The following NBPF12 variants were observed in gnomAD, a reference collection of about 807,000 sequenced individuals.
NBPF12 encodes the protein NBPF family member NBPF12.
Under a neutral mutation model 146.4 loss-of-function variants are expected in NBPF12, and 115 were observed. The observed-to-expected ratio is 0.79, with a 90% CI of 0.68 to 0.92. The LOEUF is 0.92. Ranked by LOEUF, NBPF12 falls within the 40% of genes least tolerant of loss-of-function variation. The probability of loss-of-function intolerance (pLI) is 0.00; values close to 1 mark genes in which losing one functional copy is unlikely to be tolerated. For missense variants in NBPF12, 1,205 were observed against 1,326.8 expected (o/e 0.91, Z 1.43); for synonymous variants, 385 against 508.9 (o/e 0.76, Z 3.28).
chr1:146,969,524 G>C, exon 11 of NBPF12: 1 of 1,326,502 alleles, frequency 7.5e-7, no homozygotes, highest in Non-Finnish European at 1.1e-6. Flanking sequence ...CAAGTCCCAG[G>C]GGCAGGACCT....
At chr1:146,994,669 C>G (rs1421373600) in exon 34 of NBPF12, 16 of 1,564,376 alleles carry the variant, frequency 1.0e-5, no homozygotes, top group Middle Eastern at 2.4e-4. Flanking sequence ...TTTGGAAGCC[C>G]AGACATAGGA....
chr1:146,941,883 G>A (rs1219800176), intron 1 of NBPF12, among the ~76,000 whole-genome samples: 1 of 149,020 alleles, frequency 6.7e-6, no homozygotes, highest in Non-Finnish European at 1.5e-5. Flanking sequence ...TTTTCAGACA[G>A]GGTCTTACTC....
At position 146,969,232 on chromosome 1, in the gene NBPF12, T is replaced by C. The variant is rs1656419270; in HGVS notation, c.1092-150T>C. On this transcript the variant is annotated intron_variant, in intron 10 of 33. Transcript: ENST00000617844. Reference sequence around the variant, plus strand: ...AGCCTGTAAACCATTTTCTCTTCTTTCTCTTGGCCACAGTCATTCCTTTCA... The same window carrying C: ...AGCCTGTAAACCATTTTCTCTTCTTCCTCTTGGCCACAGTCATTCCTTTCA... 3.6e-5 allele frequency: 39 copies of C among 1,071,558 alleles called. No homozygotes were observed. The South Asian group carries it at 4.0e-4, about 11-fold the overall frequency. 66.4% of individuals were successfully genotyped at this position (1,071,558 alleles called of 1,614,324 possible). A position where few individuals can be genotyped will look rare whatever the true frequency, so the allele number is the denominator to read the frequency against.
At chr1:146,985,814 C>A in intron 23 of NBPF12, 58 bp downstream of exon 26, 2 of 718,356 alleles carry the variant, frequency 2.8e-6, no homozygotes, top group Non-Finnish European at 4.8e-6. Context: ...GATGCCAGGT[C>A]CAGGGAAAAG....
exon 11 of NBPF12, chr1:146,969,535 C>T (rs1182261458): frequency 2.7e-6 from 4 of 1,466,812 alleles, no homozygotes; most frequent in Non-Finnish European, 3.8e-6. Context: ...GGCAGGACCT[C>T]CAAGAACAGC....
chr1:146,964,457 A>T, intron 7 of NBPF12, 28 bp downstream of exon 10: 1 of 1,595,952 alleles, frequency 6.3e-7, no homozygotes, highest in South Asian at 1.1e-5. Context: ...GGAGCAAGTA[A>T]TGGGTGGTAA....
At chr1:146,964,824 TA>T in intron 7 of NBPF12, 68 bp from the exon 11 acceptor site, 1 of 1,596,908 alleles carries the variant, frequency 6.3e-7, no homozygotes, top group Non-Finnish European at 8.6e-7. Context: ...CAAAACCAGC[TA>T]GGACTCCCTG....
intron 1 of NBPF12, among the ~76,000 whole-genome samples, chr1:146,942,121 G>A (rs1357519999): frequency 6.6e-6 from 1 of 150,818 alleles, no homozygotes; most frequent in East Asian, 2.0e-4. Flanking sequence ...GCCTCCCAAA[G>A]TGCTGGGATT....
Position 146,974,725 on chromosome 1 carries a change from C to T in NBPF12, c.1802-14C>T. 1.2e-6 allele frequency: 1 copy of T among 825,100 alleles called. No homozygotes were observed. Among genetic ancestry groups the T allele is most frequent in the South Asian group, 1.6e-5 (1 of 63,128 alleles). 51.1% of individuals were successfully genotyped at this position (825,100 alleles called of 1,614,324 possible). Reference sequence around the variant, plus strand: ...CAGCCTTCCACTGATGCAGGCGTGTCTGTCTTTTCTCAGAATATGAAGAGT... The same window carrying T: ...CAGCCTTCCACTGATGCAGGCGTGTTTGTCTTTTCTCAGAATATGAAGAGT... On this transcript the variant is annotated splice_polypyrimidine_tract_variant and intron_variant, in intron 14 of 33. Transcript: ENST00000617844.
rs1195588193 is a variant in NBPF12, at chr1:146,984,577, CTGTGTGTG to C, written c.2667-196_2667-189del. Among the ~76,000 whole-genome samples, 1,090 of 132,776 alleles carry C rather than the reference CTGTGTGTG, an allele frequency of 8.2e-3. 17 individuals are homozygous for C. The highest frequency in any genetic ancestry group is 0.021 in the Middle Eastern group (6 of 286). 87.1% of individuals were successfully genotyped at this position (132,776 alleles called of 152,430 possible). A position where few individuals can be genotyped will look rare whatever the true frequency, so the allele number is the denominator to read the frequency against. On this transcript the variant is annotated intron_variant, in intron 21 of 33. Coordinates refer to ENST00000617844, the Ensembl canonical transcript of NBPF12. Reference sequence around the variant, plus strand: ...ACCCGGCCAATTGACTGAGCTCACACTGTGTGTGTGTGTGTGTGTGTGTGTGTGTGTGT... The same window carrying C: ...ACCCGGCCAATTGACTGAGCTCACACTGTGTGTGTGTGTGTGTGTGTGTGT...
At chr1:146,984,656 A>G (rs1553888396) in intron 21 of NBPF12, among the ~76,000 whole-genome samples, 157 bp from the exon 25 acceptor site, 1,821 of 136,836 alleles carry the variant, frequency 0.013, 64 homozygotes, top group African/African-American at 0.054. Flanking sequence ...ACCTGGCCCT[A>G]GTCTATCACA....
upstream of NBPF12, among the ~76,000 whole-genome samples, chr1:146,944,645 A>T (rs1165179679): frequency 6.6e-6 from 1 of 151,842 alleles, no homozygotes; most frequent in Non-Finnish European, 1.5e-5. Context: ...AGGAGGAAGA[A>T]GGGGTTGTAC....
upstream of NBPF12, among the ~76,000 whole-genome samples, chr1:146,945,184 A>G (rs1654996565): frequency 2.2e-5 from 3 of 139,054 alleles, no homozygotes; most frequent in Admixed American, 1.5e-4. Flanking sequence ...TTTTTGTTCT[A>G]CTATTTTAAA....
intron 4 of NBPF12, among the ~76,000 whole-genome samples, chr1:146,961,919 G>T (rs1364460526): frequency 1.3e-5 from 2 of 152,102 alleles, no homozygotes; most frequent in African/African-American, 4.8e-5. Context: ...CGTGGTGGTT[G>T]AATCATCTTG....
chr1:146,994,336 A>T, exon 34 of NBPF12: 2 of 1,611,644 alleles, frequency 1.2e-6, no homozygotes, highest in Non-Finnish European at 1.7e-6. Context: ...TTCCAGGCTC[A>T]ACAGCGTGCT....
intron 19 of NBPF12, among the ~76,000 whole-genome samples, chr1:146,981,314 T>TAC (rs1553887979): frequency 0.04 from 5,107 of 127,438 alleles, 152 homozygotes; most frequent in South Asian, 0.063. Flanking sequence ...TATATATATA[T>TAC]ACATACACAC....
At chr1:146,943,891 T>C (rs1654909295) in intron 2 of NBPF12, among the ~76,000 whole-genome samples, 1 of 145,258 alleles carries the variant, frequency 6.9e-6, no homozygotes, top group African/African-American at 2.6e-5. Context: ...TTTCTGTCTC[T>C]GTTTCCACCC....
At chr1:146,945,969 CT>C (rs1263518183), upstream of NBPF12, among the ~76,000 whole-genome samples, 2 of 151,702 alleles carry the variant, frequency 1.3e-5, no homozygotes, top group Admixed American at 6.6e-5. Context: ...TCCTCCACCC[CT>C]GACAACCACT....
At chr1:146,980,250 G>T (rs1323802650) in intron 19 of NBPF12, among the ~76,000 whole-genome samples, 2 of 151,950 alleles carry the variant, frequency 1.3e-5, no homozygotes, top group Non-Finnish European at 2.9e-5. Context: ...CGCACCGATG[G>T]GTCTTGACTC....
Sources: allele counts gnomAD v4.1 joint callset (sites outside exome capture counted in the v4.1 genomes callset), GRCh38; gene constraint gnomAD v4.1.1; transcripts MANE v1.5; gene names NCBI Gene and HGNC (gene_info 2026-07-23, HGNC 2026-07-21).